Variants in MGAT5B observed in about 807,000 individuals in gnomAD.
MGAT5B encodes N-acetylglucosaminyl-transferase Vb.
In MGAT5B, 54 loss-of-function variants were observed where a neutral mutation model predicts 95.1. That is an observed-to-expected ratio of 0.57 (90% CI 0.46 to 0.71). The LOEUF (loss-of-function observed/expected upper bound fraction) is 0.71. Among genes scored for constraint, MGAT5B ranks in the 30% least tolerant of loss-of-function variants. The pLI is 0.00. For missense variants in MGAT5B, 935 were observed against 1,088.6 expected (o/e 0.86, Z 1.99); for synonymous variants, 464 against 451.0 (o/e 1.03, Z -0.36).
intron 3 of MGAT5B, among the ~76,000 whole-genome samples, chr17:76,885,662 G>GACC: frequency 6.6e-6 from 1 of 152,280 alleles, no homozygotes; most frequent in South Asian, 2.1e-4. Context: ...CATCCATCAC[G>GACC]ACCGGCAGAG....
rs759050336 is a variant in MGAT5B, at chr17:76,940,879, C to A, written c.1848+31C>A. 4 of 1,526,242 alleles carry A rather than the reference C, an allele frequency of 2.6e-6. No individual in the cohort carries two copies. The African/African-American group carries it at 4.1e-5, about 16-fold the overall frequency. 94.5% of individuals were successfully genotyped at this position (1,526,242 alleles called of 1,614,324 possible). A position where few individuals can be genotyped will look rare whatever the true frequency, so the allele number is the denominator to read the frequency against. ...AGCAGCCACATACAGTTGAGACCCC[C>A]CACTAGTCCACACTGCTGGTCTTCA... On this transcript the variant is annotated intron_variant, in intron 15 of 17. Coordinates refer to ENST00000569840, the MANE Select transcript of MGAT5B (RefSeq NM_001199172.2). The surrounding 1 kb of genome is among the most constrained non-coding windows in gnomAD (Gnocchi z 4.3).
chr17:76,868,817 GGC>G lies in MGAT5B; in HGVS notation c.-212_-211del. On this transcript the variant is annotated 5_prime_UTR_variant, in exon 1 of 18. Coordinates refer to ENST00000569840, the MANE Select transcript of MGAT5B (RefSeq NM_001199172.2). This position sits in a 1 kb window ranked among gnomAD's most constrained non-coding sequence, Gnocchi z 6.3. ...GAGGGCGGAGACGCAGAGACGGCCC[GGC>G]CGGGCGCCCTCGCCGCCCTCCGGCA... 3.2e-6 allele frequency: 1 copy of G among 311,870 alleles called. No homozygotes were observed. Among genetic ancestry groups the G allele is most frequent in the Non-Finnish European group, 5.8e-6 (1 of 171,972 alleles). The allele number at this position is 311,870 out of a possible 1,614,324, so 19.3% of individuals were successfully genotyped here. A position where few individuals can be genotyped will look rare whatever the true frequency, so the allele number is the denominator to read the frequency against.
Position 76,947,882 on chromosome 17 carries a change from G to A in MGAT5B, c.1976G>A (p.Ser659Asn). 1 of 1,607,214 alleles carries A rather than the reference G, an allele frequency of 6.2e-7. No individual in the cohort carries two copies. Among genetic ancestry groups the A allele is most frequent in the Non-Finnish European group, 8.5e-7 (1 of 1,175,032 alleles). Residue 659 changes from serine to asparagine, a missense_variant, in exon 17 of 18, where the codon AGC becomes AAC. Physicochemically the swap from Ser to Asn is conservative, Grantham distance 46 (BLOSUM62 1). Transcript: ENST00000569840. ...PALPEAHAPQ[S>N]PFVLAPNATH... ...CTACCAGAGGCCCACGCCCCGCAGA[G>A]CCCCTTTGTCCTGGCCCCCAATGCC...
At chr17:76,907,139 C>T (rs1968561385) in intron 8 of MGAT5B, among the ~76,000 whole-genome samples, 2 of 152,052 alleles carry the variant, frequency 1.3e-5, no homozygotes, top group African/African-American at 2.4e-5. Context: ...GCAGCCTCCG[C>T]CTCCCGGGTT....
chr17:76,869,076 T>C lies in MGAT5B; in HGVS notation c.47T>C (p.Leu16Pro). 6.2e-7 allele frequency: 1 copy of C among 1,614,084 alleles called. No individual in the cohort carries two copies. The highest frequency in any genetic ancestry group is 8.5e-7 in the Non-Finnish European group (1 of 1,179,960). The change falls in exon 1 of 18, where the codon CTG becomes CCG. Residue 16 changes from leucine (L) to proline (P), a missense_variant. Leu to Pro is a moderately conservative substitution (Grantham distance 98). Coordinates refer to ENST00000569840, the MANE Select transcript of MGAT5B (RefSeq NM_001199172.2). This position sits in a 1 kb window ranked among gnomAD's most constrained non-coding sequence, Gnocchi z 7.0. Reference sequence around the variant, plus strand: ...GGGAAGATAATGGTCAGAAGATGCCTGGTCACCCTGAGACCCTTTCGGTAA... The same window carrying C: ...GGGAAGATAATGGTCAGAAGATGCCCGGTCACCCTGAGACCCTTTCGGTAA... ...PDGKIMVRRC[L>P]VTLRPFRLFV... is the part of the protein sequence containing the mutation.
At chr17:76,893,552 CAG>C (rs1967958795) in intron 3 of MGAT5B, among the ~76,000 whole-genome samples, 1 of 152,228 alleles carries the variant, frequency 6.6e-6, no homozygotes, top group Non-Finnish European at 1.5e-5. Flanking sequence ...CCAAAGGGCT[CAG>C]GGGCATCTGC....
At chr17:76,928,944 C>T (rs2145248317) in intron 10 of MGAT5B, among the ~76,000 whole-genome samples, 1 of 151,710 alleles carries the variant, frequency 6.6e-6, no homozygotes, top group Non-Finnish European at 1.5e-5. Context: ...CGGCTCCCTG[C>T]AACCTCCACC....
chr17:76,928,969 G>T (rs1401301341), intron 10 of MGAT5B, among the ~76,000 whole-genome samples: 1 of 151,838 alleles, frequency 6.6e-6, no homozygotes, highest in Admixed American at 6.6e-5. Flanking sequence ...GGGTTCAAGC[G>T]ATTCTTGTGC....
At position 76,932,636 on chromosome 17, in the gene MGAT5B, G is replaced by C; in HGVS notation, c.1292-9G>C. 4.3e-6 allele frequency: 7 copies of C among 1,613,382 alleles called. No individual in the cohort carries two copies. Among genetic ancestry groups the C allele is most frequent in the Non-Finnish European group, 5.9e-6 (7 of 1,179,594 alleles). On this transcript the variant is annotated splice_polypyrimidine_tract_variant and intron_variant, in intron 10 of 17. Transcript: ENST00000569840. ...GTGACCCCATTCCTTCTGCGTGCTC[G>C]GGCTGCAGCTCATACCCCCGACAAC...
rs1223693348 is a variant in MGAT5B at position 76,906,250 on chromosome 17, C to T, written c.1025+63C>T. 1.3e-6 allele frequency: 2 copies of T among 1,489,222 alleles called. No individual in the cohort carries two copies. The highest frequency in any genetic ancestry group is 2.4e-4 in the Middle Eastern group (1 of 4,226). The allele number at this position is 1,489,222 out of a possible 1,614,324, so 92.3% of individuals were successfully genotyped here. A position where few individuals can be genotyped will look rare whatever the true frequency, so the allele number is the denominator to read the frequency against. On this transcript the variant is annotated intron_variant, in intron 8 of 17. Transcript: ENST00000569840. This position sits in a 1 kb window ranked among gnomAD's most constrained non-coding sequence, Gnocchi z 4.6. The stretch of plus-strand genomic sequence containing the variant: ...AGGGAGGGGATGAAGGGGAACCCCA[C>T]CCCTCCCTCCCAGGGGCTGTGGGAG...
chr17:76,871,367 C>T (rs538157447), intron 1 of MGAT5B, among the ~76,000 whole-genome samples: 27 of 152,294 alleles, frequency 1.8e-4, no homozygotes, highest in African/African-American at 5.3e-4. Context: ...GTGTCCCTTG[C>T]GCGGTCTTGC....
chr17:76,948,901 C>G lies in MGAT5B; in HGVS notation c.*63C>G, dbSNP rs748019010. ...TCTCTCCTGCCGCGGGAGAAAGCAC[C>G]AGCAGGTTCTGAGCCCTGGCTGCTT... On this transcript the variant is annotated 3_prime_UTR_variant, in exon 18 of 18. Coordinates refer to ENST00000569840, the MANE Select transcript of MGAT5B (RefSeq NM_001199172.2). The G allele has an allele frequency of 2.8e-5, 42 of 1,485,272 alleles. No individual in the cohort carries two copies. The highest frequency in any genetic ancestry group is 3.7e-5 in the Non-Finnish European group (41 of 1,107,814). The allele number at this position is 1,485,272 out of a possible 1,614,324, so 92.0% of individuals were successfully genotyped here.
At chr17:76,939,060 G>C (rs1030633465) in intron 13 of MGAT5B, among the ~76,000 whole-genome samples, 2 of 149,982 alleles carry the variant, frequency 1.3e-5, no homozygotes, top group Admixed American at 6.6e-5. Context: ...GTGTGTGTGT[G>C]TGTGTGTGTG....
chr17:76,932,580 A>C, intron 10 of MGAT5B, 65 bp from the exon 11 acceptor site: 8 of 1,571,934 alleles, frequency 5.1e-6, no homozygotes, highest in Admixed American at 1.7e-5. Context: ...GGGGCAGTCC[A>C]GGGAGGCCTG....
In MGAT5B at chr17:76,869,328, G is replaced by A. The variant is rs1322137159; in HGVS notation, c.68+231G>A. Among the ~76,000 whole-genome samples, 1 of 152,052 alleles carries A rather than the reference G, an allele frequency of 6.6e-6. No individual in the cohort carries two copies. The highest frequency in any genetic ancestry group is 2.4e-5 in the African/African-American group (1 of 41,414). On this transcript the variant is annotated intron_variant, in intron 1 of 17. Coordinates refer to ENST00000569840, the MANE Select transcript of MGAT5B (RefSeq NM_001199172.2). This position sits in a 1 kb window ranked among gnomAD's most constrained non-coding sequence, Gnocchi z 7.0. Reference sequence around the variant, plus strand: ...CTGTCCCGAGTTGGGCAGGGTTGGAGAGGACTCGGGGTGCAGAGGTAAGAA... The same window carrying A: ...CTGTCCCGAGTTGGGCAGGGTTGGAAAGGACTCGGGGTGCAGAGGTAAGAA...
At position 76,948,709 on chromosome 17, in the gene MGAT5B, C is replaced by T. The variant is rs762463866; in HGVS notation, c.2250C>T (p.Gly750=). 2 of 1,613,310 alleles carry T rather than the reference C, an allele frequency of 1.2e-6. No individual in the cohort carries two copies. Among genetic ancestry groups the T allele is most frequent in the African/African-American group, 1.3e-5 (1 of 74,922 alleles). Residue 750 remains glycine (G), a synonymous_variant, in exon 18 of 18, where the codon GGC becomes GGT. Transcript: ENST00000569840. ...TGTACCCGGCGTTCGCCCAGCCTGG[C>T]CAGGAGTGCTACCTGCAGAAGGAGC... ...NHLYPAFAQP[G]QECYLQKEPL... is the part of the protein sequence containing the mutation.
chr17:76,897,936 A>G (rs548854763), intron 3 of MGAT5B, among the ~76,000 whole-genome samples: 42 of 151,642 alleles, frequency 2.8e-4, no homozygotes, highest in African/African-American at 8.2e-4. Flanking sequence ...CATGCCTGTA[A>G]TCCCAGCTAC....
intron 12 of MGAT5B, among the ~76,000 whole-genome samples, chr17:76,935,912 T>C (rs1194049885): frequency 1.4e-5 from 2 of 139,832 alleles, no homozygotes; most frequent in Admixed American, 7.8e-5. Flanking sequence ...ACATTATATA[T>C]ATTATATATT....
In MGAT5B at chr17:76,870,527, C is replaced by A. The variant is rs1308391440; in HGVS notation, c.68+1430C>A. ...CTCCGGGCCGCTGGGTGTTTCCTGG[C>A]GCGATTGGAAGCAGCCGCGAGACCC... On this transcript the variant is annotated intron_variant, in intron 1 of 17. Coordinates refer to ENST00000569840, the MANE Select transcript of MGAT5B (RefSeq NM_001199172.2). The surrounding 1 kb of genome is among the most constrained non-coding windows in gnomAD (Gnocchi z 5.0). Among the ~76,000 whole-genome samples the A allele has an allele frequency of 6.6e-6, 1 of 152,192 alleles. No homozygotes were observed. The highest frequency in any genetic ancestry group is 2.1e-4 in the South Asian group (1 of 4,830).
Sources: gnomAD v4.1 joint callset for allele counts (sites outside exome capture counted in the v4.1 genomes callset) on GRCh38, gnomAD v4.1.1 for gene constraint, Gnocchi (gnomAD v3.1) non-coding constraint, MANE v1.5 for transcripts, NCBI Gene and HGNC (gene_info 2026-07-23, HGNC 2026-07-21) for gene names.